EIF2B3: variants seen among roughly 807,000 people sequenced by gnomAD.
EIF2B3 encodes eukaryotic translation initiation factor 2B subunit gamma.
Under a neutral mutation model 54.1 loss-of-function variants are expected in EIF2B3, and 20 were observed. The observed-to-expected ratio is 0.37, with a 90% confidence interval of 0.26 to 0.54. The LOEUF is 0.54. EIF2B3 is among the 20% of genes least tolerant of loss of function. The pLI, the probability that EIF2B3 is intolerant of heterozygous loss-of-function variation, is 0.86. For missense variants in EIF2B3, 448 were observed against 547.8 expected (o/e 0.82, Z 1.82); for synonymous variants, 153 against 188.1 (o/e 0.81, Z 1.52).
At chr1:44,982,531 C>T (rs1557717380) in intron 1 of EIF2B3, among the ~76,000 whole-genome samples, 1 of 152,212 alleles carries the variant, frequency 6.6e-6, no homozygotes, top group Non-Finnish European at 1.5e-5. Flanking sequence ...CTCCTGACCT[C>T]AGGTGATCCA....
chr1:44,912,853 GA>G (rs1643542162), intron 5 of EIF2B3, among the ~76,000 whole-genome samples: 1 of 152,002 alleles, frequency 6.6e-6, no homozygotes, highest in South Asian at 2.1e-4. Context: ...CTGCCTCAAG[GA>G]AAAAGTCTTC....
At chr1:44,886,133 G>A (rs533441014) in intron 6 of EIF2B3, among the ~76,000 whole-genome samples, 40 of 152,020 alleles carry the variant, frequency 2.6e-4, no homozygotes, top group African/African-American at 8.4e-4. Flanking sequence ...TCGCTGGAAT[G>A]CAGTGGCACG....
At chr1:44,970,897 A>C (rs75315265) in intron 3 of EIF2B3, among the ~76,000 whole-genome samples, 1,626 of 152,306 alleles carry the variant, frequency 0.011, 33 homozygotes, top group African/African-American at 0.037. Context: ...GAAAAAACCA[A>C]GTAAAGATAG....
chr1:44,853,385 G>GGGTT (rs1417370233), intron 11 of EIF2B3, among the ~76,000 whole-genome samples: 1 of 152,068 alleles, frequency 6.6e-6, no homozygotes, highest in African/African-American at 2.4e-5. Flanking sequence ...CAAGGTGGGT[G>GGGTT]GATTGCCCCA....
At chr1:44,894,987 G>A (rs1269120093) in intron 6 of EIF2B3, among the ~76,000 whole-genome samples, 1 of 152,160 alleles carries the variant, frequency 6.6e-6, no homozygotes, top group Non-Finnish European at 1.5e-5. Flanking sequence ...CAGGAGTAAA[G>A]ACTGTCCCTC....
intron 6 of EIF2B3, among the ~76,000 whole-genome samples, chr1:44,896,892 C>T (rs1655990076): frequency 6.6e-6 from 1 of 152,196 alleles, no homozygotes; most frequent in African/African-American, 2.4e-5. Context: ...AAGTGGGCTT[C>T]TTTTCTAAAA....
At chr1:44,854,842 C>G (rs1377182533) in intron 11 of EIF2B3, among the ~76,000 whole-genome samples, 2 of 151,900 alleles carry the variant, frequency 1.3e-5, no homozygotes, top group South Asian at 2.1e-4. Context: ...CCCGCCTCAG[C>G]CTCCCAAAGT....
At chr1:44,871,461 G>T (rs72674081) in intron 10 of EIF2B3, among the ~76,000 whole-genome samples, 26,714 of 152,082 alleles carry the variant, frequency 0.18, 2,454 homozygotes, top group African/African-American at 0.19. Flanking sequence ...CCTATCAAAC[G>T]CCTCAGGGAA....
At chr1:44,973,402 T>C (rs1003971933) in intron 3 of EIF2B3, among the ~76,000 whole-genome samples, 1 of 152,200 alleles carries the variant, frequency 6.6e-6, no homozygotes, top group Non-Finnish European at 1.5e-5. Flanking sequence ...TGCTACAATA[T>C]GGATGAACCT....
intron 9 of EIF2B3, 140 bp downstream of exon 9, chr1:44,875,478 A>G: frequency 1.2e-6 from 1 of 805,624 alleles, no homozygotes; most frequent in Non-Finnish European, 2.1e-6. Context: ...GTTGAGTGAG[A>G]TTTTATTCTC....
intron 10 of EIF2B3, among the ~76,000 whole-genome samples, chr1:44,861,507 T>C (rs1573682532): frequency 1.3e-5 from 2 of 152,128 alleles, no homozygotes; most frequent in East Asian, 1.9e-4. Flanking sequence ...TTAGAGACAA[T>C]TAAATGTCTA....
chr1:44,853,191 G>C (rs1654329091), intron 11 of EIF2B3, among the ~76,000 whole-genome samples: 1 of 152,126 alleles, frequency 6.6e-6, no homozygotes, highest in South Asian at 2.1e-4. Flanking sequence ...CTATAGAAAG[G>C]AGGCAGTGAG....
At chr1:44,978,999 A>T (rs1644484432) in intron 2 of EIF2B3, among the ~76,000 whole-genome samples, 1 of 151,766 alleles carries the variant, frequency 6.6e-6, no homozygotes. Flanking sequence ...ATTAAAAGAC[A>T]TGCTGGCTGG....
intron 6 of EIF2B3, among the ~76,000 whole-genome samples, chr1:44,895,580 T>G (rs1306422221): frequency 6.6e-6 from 1 of 152,008 alleles, no homozygotes; most frequent in African/African-American, 2.4e-5. Context: ...TTAAATATCC[T>G]TATCCTGGAA....
intron 3 of EIF2B3, among the ~76,000 whole-genome samples, chr1:44,949,358 A>T (rs1197262887): frequency 6.6e-6 from 1 of 152,148 alleles, no homozygotes; most frequent in African/African-American, 2.4e-5. Context: ...CACTAATTGG[A>T]TTACATATAT....
rs905460924 is a variant in EIF2B3 at position 44,881,258 on chromosome 1, G to A, written c.784+354C>T. Among the ~76,000 whole-genome samples, 1 of 152,152 alleles carries A rather than the reference G, an allele frequency of 6.6e-6. No individual in the cohort carries two copies. Among genetic ancestry groups the A allele is most frequent in the Non-Finnish European group, 1.5e-5 (1 of 68,022 alleles). On this transcript the variant is annotated intron_variant, in intron 7 of 11. Transcript: ENST00000360403. The surrounding 1 kb of genome is among the most constrained non-coding windows in gnomAD (Gnocchi z 4.0). ...CACTTTCCTTCCCTTGATAAAAGAG[G>A]TTGAGTTTAATCAGGAACGGGGCTG...
In EIF2B3 at chr1:44,952,018, A is replaced by G. The variant is rs1376234709; in HGVS notation, c.295-10353T>C. 5.4e-5 allele frequency among the ~76,000 whole-genome samples: 5 copies of G among 92,908 alleles called. 1 individual carries two copies. The highest frequency in any genetic ancestry group is 5.3e-4 in the Admixed American group (4 of 7,526). The allele number at this position is 92,908 out of a possible 152,430, so 61.0% of individuals were successfully genotyped here. A position where few individuals can be genotyped will look rare whatever the true frequency, so the allele number is the denominator to read the frequency against. ...CGCTCTGTTGCCCAGGCTGGAGTGC[A>G]GTGGCGGGAACTCGGCTCACTGCAA... On this transcript the variant is annotated intron_variant, in intron 3 of 11. Coordinates refer to ENST00000360403, the MANE Select transcript of EIF2B3 (RefSeq NM_020365.5).
chr1:44,930,988 T>C (rs1643891963), intron 4 of EIF2B3, among the ~76,000 whole-genome samples: 1 of 152,218 alleles, frequency 6.6e-6, no homozygotes, highest in Non-Finnish European at 1.5e-5. Flanking sequence ...ATAAGAATGA[T>C]AGTTGCCTCC....
intron 3 of EIF2B3, among the ~76,000 whole-genome samples, chr1:44,960,067 T>A (rs1428610722): frequency 6.6e-6 from 1 of 152,228 alleles, no homozygotes; most frequent in Admixed American, 6.5e-5. Context: ...TATATTTATG[T>A]ATTTACCTTC....
Sources: allele counts gnomAD v4.1 joint callset (sites outside exome capture counted in the v4.1 genomes callset), GRCh38; gene constraint gnomAD v4.1.1; non-coding constraint Gnocchi (gnomAD v3.1); transcripts MANE v1.5; gene names NCBI Gene and HGNC (gene_info 2026-07-23, HGNC 2026-07-21).